The following ATAD2B variants were observed in gnomAD, a reference collection of about 807,000 sequenced individuals.
The protein encoded by ATAD2B is ATPase family AAA domain containing 2B.
In ATAD2B, 40 loss-of-function variants were observed where a neutral mutation model predicts 167.6. The ratio of observed to expected loss-of-function variants is 0.24; its 90% CI spans 0.19 to 0.31. ATAD2B has a LOEUF of 0.31. ATAD2B is among the 10% of genes least tolerant of loss of function. ATAD2B has a pLI of 1.00. For synonymous variants in ATAD2B, 579 were observed against 596.5 expected, an observed-to-expected ratio of 0.97 and a Z score of 0.43; for missense variants, 1,242 against 1,757.2, an observed-to-expected ratio of 0.71 and a Z score of 5.24.
chr2:23,918,802 T>C (rs1056887770), intron 1 of ATAD2B, among the ~76,000 whole-genome samples: 4 of 152,152 alleles, frequency 2.6e-5, no homozygotes, highest in African/African-American at 9.7e-5. Context: ...TGAAACAAGA[T>C]ATACAAGTAG....
At chr2:23,912,964 C>G (rs2150563733) in intron 1 of ATAD2B, among the ~76,000 whole-genome samples, 1 of 152,286 alleles carries the variant, frequency 6.6e-6, no homozygotes, top group South Asian at 2.1e-4. Context: ...CCACTGCACT[C>G]TAGCCTGGGT....
chr2:23,791,203 T>C (rs1681640868), intron 19 of ATAD2B, among the ~76,000 whole-genome samples: 1 of 152,264 alleles, frequency 6.6e-6, no homozygotes, highest in South Asian at 2.1e-4. Flanking sequence ...ATTTGGATTG[T>C]TTCCACTTTT....
At chr2:23,829,874 A>G (rs1348704678) in intron 14 of ATAD2B, among the ~76,000 whole-genome samples, 1 of 152,244 alleles carries the variant, frequency 6.6e-6, no homozygotes, top group Non-Finnish European at 1.5e-5. Context: ...AAAGTGTTAT[A>G]AACAATTTTA....
downstream of ATAD2B, among the ~76,000 whole-genome samples, chr2:23,745,422 A>AGGGAAGGAAGG (rs1674810265): frequency 1.2e-5 from 1 of 85,012 alleles, no homozygotes; most frequent in Admixed American, 1.1e-4. Context: ...GGAAGGAAGG[A>AGGGAAGGAAGG]AAGGGAAGGG....
the ATAD2B span, chr2:23,693,399 G>C: frequency 1.9e-6 from 3 of 1,551,758 alleles, no homozygotes; most frequent in Admixed American, 3.9e-5. Context: ...CCCAGGAGGA[G>C]ATCCTCAGCA....
the ATAD2B span, among the ~76,000 whole-genome samples, chr2:23,711,334 A>ATTTC: frequency 2.8e-3 from 218 of 77,312 alleles, 55 homozygotes; most frequent in Middle Eastern, 7.7e-3. Flanking sequence ...TTTCCACAGA[A>ATTTC]TTTCTTTCTT....
At chr2:23,721,172 A>G in the ATAD2B span, among the ~76,000 whole-genome samples, 2,307 of 152,288 alleles carry the variant, frequency 0.015, 59 homozygotes, top group African/African-American at 0.053. Context: ...CAAGCAACTG[A>G]CACATTTCCA....
At chr2:23,888,840 A>T (rs914354257) in intron 2 of ATAD2B, among the ~76,000 whole-genome samples, 2 of 152,220 alleles carry the variant, frequency 1.3e-5, no homozygotes, top group African/African-American at 4.8e-5. Context: ...AATTTCTTCA[A>T]AGTATTTTAT....
intron 6 of ATAD2B, 116 bp from the exon 7 acceptor site, chr2:23,880,871 A>AG: frequency 1.5e-6 from 1 of 655,148 alleles, no homozygotes; most frequent in East Asian, 2.8e-5. Context: ...CACAGGTGAC[A>AG]TTTAAGTGCC....
At chr2:23,823,229 TAAC>T (rs1041467225) in intron 16 of ATAD2B, 26 bp downstream of exon 16, 2 of 1,518,714 alleles carry the variant, frequency 1.3e-6, no homozygotes, top group Non-Finnish European at 1.8e-6. Flanking sequence ...TGTTTCATCT[TAAC>T]AATATAAAAA....
chr2:23,714,330 C>A, the ATAD2B span, among the ~76,000 whole-genome samples: 1 of 150,540 alleles, frequency 6.6e-6, no homozygotes, highest in South Asian at 2.1e-4. Flanking sequence ...AGCTCCGCCT[C>A]CTGGGTTCAC....
chr2:23,903,167 T>C (rs1012681356), intron 1 of ATAD2B, among the ~76,000 whole-genome samples: 3 of 151,864 alleles, frequency 2.0e-5, no homozygotes, highest in African/African-American at 7.3e-5. Flanking sequence ...GCCCCAGCAG[T>C]TGAGGTTGCA....
At chr2:23,690,685 C>T in the ATAD2B span, 1 of 152,232 alleles carries the variant, frequency 6.6e-6, no homozygotes, top group South Asian at 2.1e-4. Flanking sequence ...GGGCCGCCTC[C>T]GGACTCCTAA....
At chr2:23,902,432 G>T (rs1197592751) in intron 1 of ATAD2B, among the ~76,000 whole-genome samples, 5 of 152,136 alleles carry the variant, frequency 3.3e-5, no homozygotes, top group Non-Finnish European at 7.3e-5. Context: ...TTAACTTCAA[G>T]CTTTGGGAAA....
At chr2:23,745,419 AG>A (rs1171980283), downstream of ATAD2B, among the ~76,000 whole-genome samples, 9 of 128,254 alleles carry the variant, frequency 7.0e-5, no homozygotes, top group African/African-American at 1.3e-4. Context: ...GAAGGAAGGA[AG>A]GAAAGGGAAG....
chr2:23,697,965 C>CTAT, the ATAD2B span: 1 of 152,226 alleles, frequency 6.6e-6, no homozygotes, highest in Non-Finnish European at 1.5e-5. Context: ...CTTTTGTCGG[C>CTAT]TATTTTTAAT....
chr2:23,732,842 T>C, the ATAD2B span, among the ~76,000 whole-genome samples: 1 of 152,188 alleles, frequency 6.6e-6, no homozygotes, highest in South Asian at 2.1e-4. Flanking sequence ...CAAGGCAATA[T>C]AGGACAGTGG....
rs1320275531 is a variant in ATAD2B, at chr2:23,786,156, T to C, written c.2844A>G (p.Glu948=). ...PSPPRQLSES[E]KSRMEDQEEN... is the part of the protein sequence containing the mutation. ...CCTCCTGGTCCTCCATTCGACTTTTTTCTGATTCTGATAATTGACGAGGTG... is the reference window on the plus strand; with the variant it reads ...CCTCCTGGTCCTCCATTCGACTTTTCTCTGATTCTGATAATTGACGAGGTG... The change falls in exon 21 of 28, where the codon GAA becomes GAG. Residue 948 remains glutamate (E), a synonymous_variant. Coordinates refer to ENST00000238789, the MANE Select transcript of ATAD2B (RefSeq NM_017552.4). 6.2e-7 allele frequency: 1 copy of C among 1,601,108 alleles called. No homozygotes were observed. Among genetic ancestry groups the C allele is most frequent in the Non-Finnish European group, 8.5e-7 (1 of 1,173,380 alleles).
intron 7 of ATAD2B, among the ~76,000 whole-genome samples, chr2:23,876,998 C>T (rs1404461010): frequency 3.5e-5 from 5 of 142,174 alleles, no homozygotes; most frequent in African/African-American, 5.2e-5. Flanking sequence ...ACCTAGGAGG[C>T]GGAGGTTGCA....
Sources: gnomAD v4.1 joint callset for allele counts (sites outside exome capture counted in the v4.1 genomes callset) on GRCh38, gnomAD v4.1.1 for gene constraint, MANE v1.5 for transcripts, NCBI Gene and HGNC (gene_info 2026-07-23, HGNC 2026-07-21) for gene names.